CHCHD6: variants seen among roughly 807,000 people sequenced by gnomAD.
CHCHD6 encodes coiled-coil-helix-coiled-coil-helix domain containing 6.
CHCHD6 carries 28 observed loss-of-function variants against 32.3 expected under a neutral mutation model. That is an observed-to-expected ratio of 0.87 (90% confidence interval 0.64 to 1.19). The LOEUF (loss-of-function observed/expected upper bound fraction) is 1.19, where lower values mean the gene tolerates loss of function less well. CHCHD6 is among the 50% of genes most tolerant of loss of function. The pLI is 0.00. For missense variants in CHCHD6, 333 were observed against 307.0 expected (o/e 1.08, Z -0.63); for synonymous variants, 122 against 117.5 (o/e 1.04, Z -0.25).
intron 6 of CHCHD6, among the ~76,000 whole-genome samples, chr3:126,946,260 A>C (rs1016722462): frequency 6.6e-6 from 1 of 152,138 alleles, no homozygotes; most frequent in African/African-American, 2.4e-5. Flanking sequence ...AAAGCCCAGA[A>C]AGCGCCCCAC....
chr3:126,897,841 T>C (rs2077863322), intron 5 of CHCHD6, among the ~76,000 whole-genome samples: 1 of 152,170 alleles, frequency 6.6e-6, no homozygotes, highest in South Asian at 2.1e-4. Flanking sequence ...GCCTGGCACT[T>C]TATGGGCATG....
chr3:126,845,840 G>T (rs912833031), intron 4 of CHCHD6, among the ~76,000 whole-genome samples: 11 of 151,980 alleles, frequency 7.2e-5, no homozygotes, highest in Non-Finnish European at 1.5e-4. Flanking sequence ...TAGAATAAGG[G>T]TCTCTAAAAA....
At position 126,898,984 on chromosome 3, in the gene CHCHD6, G is replaced by A. The variant is rs374244517; in HGVS notation, c.496-15696G>A. Among the ~76,000 whole-genome samples the A allele has an allele frequency of 4.2e-5, 6 of 143,724 alleles. No homozygotes were observed. The East Asian group carries it at 8.1e-4, about 19-fold the overall frequency. 94.3% of individuals were successfully genotyped at this position (143,724 alleles called of 152,430 possible). A position where few individuals can be genotyped will look rare whatever the true frequency, so the allele number is the denominator to read the frequency against. On this transcript the variant is annotated intron_variant, in intron 5 of 7. Transcript: ENST00000290913. Reference sequence around the variant, plus strand: ...ATGTACATGTGTTGAGGACCTGTGGGGCATTTGGTTCCCGCAGGCAGTTAG... The same window carrying A: ...ATGTACATGTGTTGAGGACCTGTGGAGCATTTGGTTCCCGCAGGCAGTTAG...
chr3:126,805,447 C>T (rs1939320132), intron 4 of CHCHD6, among the ~76,000 whole-genome samples: 1 of 152,028 alleles, frequency 6.6e-6, no homozygotes, highest in Admixed American at 6.5e-5. Context: ...AACTCCCATT[C>T]ACAATTGCTT....
intron 1 of CHCHD6, among the ~76,000 whole-genome samples, chr3:126,720,720 C>A (rs1935240639): frequency 6.6e-6 from 1 of 152,188 alleles, no homozygotes. Context: ...CTCTTGAGTG[C>A]TGGCTCCGTG....
At chr3:126,830,553 C>T (rs891517278) in intron 4 of CHCHD6, among the ~76,000 whole-genome samples, 1 of 152,244 alleles carries the variant, frequency 6.6e-6, no homozygotes, top group Non-Finnish European at 1.5e-5. Context: ...TACCAGTGTT[C>T]TGTTCACCTT....
At chr3:126,850,126 A>T (rs140486983) in intron 4 of CHCHD6, among the ~76,000 whole-genome samples, 325 of 152,342 alleles carry the variant, frequency 2.1e-3, no homozygotes, top group Non-Finnish European at 3.6e-3. Flanking sequence ...TTGGGATTGC[A>T]TTCTAAATCT....
rs746943879 is a variant in CHCHD6 at position 126,869,020 on chromosome 3, G to A, written c.495+16290G>A. Among the ~76,000 whole-genome samples the A allele has an allele frequency of 1.3e-4, 20 of 152,318 alleles. No homozygotes were observed. The Middle Eastern group carries it at 0.014, about 104-fold the overall frequency. On this transcript the variant is annotated intron_variant, in intron 5 of 7. Transcript: ENST00000290913. ...GAGTAGTTTCCTTTTCACTTTTTAA[G>A]TTAATTACTCATATAATGCACATTT...
At chr3:126,824,559 T>TAAAAAAAAAAA (rs1940299470) in intron 4 of CHCHD6, among the ~76,000 whole-genome samples, 1 of 1,060 alleles carries the variant, frequency 9.4e-4, no homozygotes, top group Non-Finnish European at 2.2e-3. Context: ...AGACTCTGTC[T>TAAAAAAAAAAA]CAAAAAAAAA....
At chr3:126,759,618 G>C (rs1937088927) in intron 4 of CHCHD6, among the ~76,000 whole-genome samples, 2 of 152,152 alleles carry the variant, frequency 1.3e-5, no homozygotes, top group South Asian at 2.1e-4. Flanking sequence ...TTTTCCTCAT[G>C]ATGAGGTTCA....
chr3:126,859,785 C>G (rs543461715), intron 5 of CHCHD6, among the ~76,000 whole-genome samples: 5 of 152,182 alleles, frequency 3.3e-5, no homozygotes, highest in Admixed American at 3.3e-4. Flanking sequence ...CACCGCCTCC[C>G]GCATCAGTGA....
chr3:126,953,834 A>G (rs2078749593), intron 6 of CHCHD6, among the ~76,000 whole-genome samples: 1 of 152,216 alleles, frequency 6.6e-6, no homozygotes, highest in Non-Finnish European at 1.5e-5. Flanking sequence ...AGTTTGTGGC[A>G]CACTTTGGAT....
At chr3:126,922,142 T>G (rs1409784011) in intron 6 of CHCHD6, among the ~76,000 whole-genome samples, 5 of 152,250 alleles carry the variant, frequency 3.3e-5, no homozygotes, top group Admixed American at 2.0e-4. Context: ...TACATTCATT[T>G]AACTAATCAA....
intron 5 of CHCHD6, among the ~76,000 whole-genome samples, chr3:126,860,923 G>A (rs916100242): frequency 6.6e-6 from 1 of 152,180 alleles, no homozygotes; most frequent in Admixed American, 6.5e-5. Context: ...CAGTTAAGTG[G>A]TTTGAGAGTT....
intron 1 of CHCHD6, among the ~76,000 whole-genome samples, chr3:126,715,869 C>T (rs572058177): frequency 3.9e-5 from 6 of 152,182 alleles, no homozygotes; most frequent in Non-Finnish European, 8.8e-5. Flanking sequence ...TTCCTTTCTG[C>T]AAGTACAAAT....
At chr3:126,730,831 G>T (rs954772303) in intron 3 of CHCHD6, among the ~76,000 whole-genome samples, 7 of 152,114 alleles carry the variant, frequency 4.6e-5, no homozygotes, top group South Asian at 2.1e-4. Flanking sequence ...GGGCATAGGG[G>T]AATTGATTGT....
At chr3:126,744,948 C>T (rs748646343) in intron 4 of CHCHD6, among the ~76,000 whole-genome samples, 3 of 152,214 alleles carry the variant, frequency 2.0e-5, no homozygotes, top group African/African-American at 7.2e-5. Context: ...CAGCTCTCCT[C>T]GTGGTGGCAG....
chr3:126,810,424 A>G (rs972629246), intron 4 of CHCHD6, among the ~76,000 whole-genome samples: 5 of 152,232 alleles, frequency 3.3e-5, no homozygotes, highest in African/African-American at 1.2e-4. Context: ...AGAATAATCT[A>G]GGTTGTCTCC....
chr3:126,716,865 G>C (rs1935044302), intron 1 of CHCHD6, among the ~76,000 whole-genome samples: 1 of 152,168 alleles, frequency 6.6e-6, no homozygotes, highest in African/African-American at 2.4e-5. Context: ...AATGCGTGCA[G>C]TCCCCTTTGA....
Sources: allele counts gnomAD v4.1 joint callset (sites outside exome capture counted in the v4.1 genomes callset), GRCh38; gene constraint gnomAD v4.1.1; transcripts MANE v1.5; gene names NCBI Gene and HGNC (gene_info 2026-07-23, HGNC 2026-07-21).